The following WDR37 variants were observed in gnomAD, a reference collection of about 807,000 sequenced individuals.
The protein encoded by WDR37 is WD repeat-containing protein 37.
Under a neutral mutation model 62.9 loss-of-function variants are expected in WDR37, and 19 were observed. The ratio of observed to expected loss-of-function variants is 0.30; its 90% CI spans 0.21 to 0.44. The LOEUF (loss-of-function observed/expected upper bound fraction) is 0.44. WDR37 is among the 20% of genes least tolerant of loss of function. The pLI, the probability that WDR37 is intolerant of heterozygous loss-of-function variation, is 1.00. For missense variants in WDR37, 474 were observed against 657.6 expected, an observed-to-expected ratio of 0.72 and a Z score of 3.05; for synonymous variants, 250 against 260.9, an observed-to-expected ratio of 0.96 and a Z score of 0.40.
Position 1,089,598 on chromosome 10 carries a change from C to T in WDR37, c.604+3241C>T, listed in dbSNP as rs551735194. Among the ~76,000 whole-genome samples the T allele has an allele frequency of 5.9e-4, 89 of 152,120 alleles. No individual in the cohort carries two copies. In the South Asian group the frequency reaches 8.1e-3, roughly 14 times the overall value. On this transcript the variant is annotated intron_variant, in intron 7 of 13. Coordinates refer to ENST00000263150, the MANE Select transcript of WDR37 (RefSeq NM_014023.4). ...TTCACGCAGGTTAATTCAGCCTTCCCGTGCTCACCCACAATTCAACCTTCC... is the reference window on the plus strand; with the variant it reads ...TTCACGCAGGTTAATTCAGCCTTCCTGTGCTCACCCACAATTCAACCTTCC...
chr10:1,097,038 G>A (rs75261041), intron 9 of WDR37, among the ~76,000 whole-genome samples: 5,893 of 152,340 alleles, frequency 0.039, 218 homozygotes, highest in Non-Finnish European at 0.055. Context: ...CAAAATGGCT[G>A]AGGACTTGGC....
In WDR37 at chr10:1,077,888, A is replaced by T. The variant is rs1228355264; in HGVS notation, c.139-19A>T. ...TTTTTCATTCATTCATTCATTTTAAACAAAGTCTTCTTCTGCAGGATTCTA... is the reference window on the plus strand; with the variant it reads ...TTTTTCATTCATTCATTCATTTTAATCAAAGTCTTCTTCTGCAGGATTCTA... On this transcript the variant is annotated intron_variant, in intron 2 of 13. Transcript: ENST00000263150. 6.3e-7 allele frequency: 1 copy of T among 1,588,758 alleles called. No individual in the cohort carries two copies. Among genetic ancestry groups the T allele is most frequent in the Admixed American group, 1.8e-5 (1 of 56,908 alleles).
At chr10:1,119,228 A>C (rs1835498294) in intron 11 of WDR37, among the ~76,000 whole-genome samples, 1 of 152,220 alleles carries the variant, frequency 6.6e-6, no homozygotes, top group African/African-American at 2.4e-5. Flanking sequence ...TCAGTACACG[A>C]GACAGAGCAG....
intron 7 of WDR37, among the ~76,000 whole-genome samples, chr10:1,093,214 T>C (rs112725047): frequency 1.4e-4 from 22 of 152,360 alleles, no homozygotes; most frequent in African/African-American, 3.4e-4. Flanking sequence ...AACTAGATGA[T>C]GAATATCCTT....
At chr10:1,073,344 AC>A (rs1833779449) in intron 2 of WDR37, among the ~76,000 whole-genome samples, 1 of 152,200 alleles carries the variant, frequency 6.6e-6, no homozygotes, top group Non-Finnish European at 1.5e-5. Context: ...TTTTGTTAGG[AC>A]CATGTGGGTA....
At chr10:1,087,762 A>T (rs981606411) in intron 7 of WDR37, among the ~76,000 whole-genome samples, 4 of 152,230 alleles carry the variant, frequency 2.6e-5, no homozygotes, top group African/African-American at 9.6e-5. Context: ...GCAAGTGAGC[A>T]TTGACTTCAG....
chr10:1,069,389 A>ATATATATATATTTTTTT, intron 1 of WDR37, among the ~76,000 whole-genome samples: 4 of 95,780 alleles, frequency 4.2e-5, no homozygotes, highest in African/African-American at 9.4e-5. Context: ...ATATATATAT[A>ATATATATATATTTTTTT]TTTTTTTTTT....
intron 9 of WDR37, 108 bp downstream of exon 9, chr10:1,096,354 C>A: frequency 7.7e-7 from 1 of 1,292,498 alleles, no homozygotes; most frequent in Non-Finnish European, 1.1e-6. Context: ...CCCCCAAGTT[C>A]AGTGTTGAAG....
At chr10:1,074,952 C>T (rs903046857) in intron 2 of WDR37, among the ~76,000 whole-genome samples, 2 of 152,222 alleles carry the variant, frequency 1.3e-5, no homozygotes, top group African/African-American at 2.4e-5. Context: ...CCCGCACGTG[C>T]GTGCAGGTGC....
intron 11 of WDR37, among the ~76,000 whole-genome samples, chr10:1,114,868 G>C (rs1479998581): frequency 2.0e-5 from 3 of 152,220 alleles, no homozygotes; most frequent in African/African-American, 7.2e-5. Context: ...GGCCATTCCA[G>C]CGTGGGCCCT....
chr10:1,063,167 C>T (rs192165426), intron 1 of WDR37, among the ~76,000 whole-genome samples: 381 of 152,054 alleles, frequency 2.5e-3, no homozygotes, highest in Non-Finnish European at 4.3e-3. Context: ...TGACACCAAA[C>T]TTAGTTCTGT....
In WDR37 at chr10:1,131,738, A is replaced by G. The variant is rs546627873; in HGVS notation, c.*2394A>G. On this transcript the variant is annotated 3_prime_UTR_variant, in exon 14 of 14. Transcript: ENST00000263150. ...CACGTGTGTGTGGCTAAATTAAGTC[A>G]TACTGTCAACCACACGTGATCTCGT... 1.3e-5 allele frequency: 2 copies of G among 152,100 alleles called. No homozygotes were observed. The highest frequency in any genetic ancestry group is 4.8e-5 in the African/African-American group (2 of 41,504). 9.4% of individuals were successfully genotyped at this position (152,100 alleles called of 1,614,324 possible). A position where few individuals can be genotyped will look rare whatever the true frequency, so the allele number is the denominator to read the frequency against.
At chr10:1,126,231 CT>C (rs1463576154) in intron 13 of WDR37, among the ~76,000 whole-genome samples, 5 of 152,048 alleles carry the variant, frequency 3.3e-5, no homozygotes, top group African/African-American at 9.7e-5. Flanking sequence ...CGGTGAAACC[CT>C]GTCTCTAATA....
intron 1 of WDR37, among the ~76,000 whole-genome samples, chr10:1,067,942 G>T (rs1833603322): frequency 6.6e-6 from 1 of 152,102 alleles, no homozygotes; most frequent in South Asian, 2.1e-4. Context: ...GGAACCAGAG[G>T]CCATTATTTT....
At chr10:1,118,825 C>T (rs1835484060) in intron 11 of WDR37, among the ~76,000 whole-genome samples, 1 of 152,198 alleles carries the variant, frequency 6.6e-6, no homozygotes, top group Non-Finnish European at 1.5e-5. Context: ...CCTGATGGCC[C>T]CGCAGCCTGG....
chr10:1,110,677 T>C (rs1220260916), intron 11 of WDR37, among the ~76,000 whole-genome samples: 1 of 152,232 alleles, frequency 6.6e-6, no homozygotes, highest in Non-Finnish European at 1.5e-5. Context: ...GTCTGGGACG[T>C]TCTGAACATG....
chr10:1,067,502 T>C (rs1833590411), intron 1 of WDR37, among the ~76,000 whole-genome samples: 1 of 152,170 alleles, frequency 6.6e-6, no homozygotes, highest in Non-Finnish European at 1.5e-5. Flanking sequence ...GGAGAAATGA[T>C]TTGCAGCTTA....
intron 6 of WDR37, 59 bp from the exon 7 acceptor site, chr10:1,086,226 AT>A: frequency 7.0e-7 from 1 of 1,430,178 alleles, no homozygotes; most frequent in Non-Finnish European, 9.8e-7. Context: ...TTATTCTTTC[AT>A]TTGAAAAACT....
At chr10:1,098,311 C>A (rs1293069523) in intron 9 of WDR37, among the ~76,000 whole-genome samples, 1 of 151,582 alleles carries the variant, frequency 6.6e-6, no homozygotes, top group Non-Finnish European at 1.5e-5. Flanking sequence ...CTTTCTACCC[C>A]CTCCCCATCT....
Sources: gnomAD v4.1 joint callset for allele counts (sites outside exome capture counted in the v4.1 genomes callset) on GRCh38, gnomAD v4.1.1 for gene constraint, MANE v1.5 for transcripts, NCBI Gene and HGNC (gene_info 2026-07-23, HGNC 2026-07-21) for gene names.